The following ELMO1 variants were observed in gnomAD, a reference collection of about 807,000 sequenced individuals.
ELMO1 encodes engulfment and cell motility protein 1.
A neutral mutation model predicts 98.9 loss-of-function variants in ELMO1; 26 were observed. The observed-to-expected ratio is 0.26, with a 90% CI of 0.19 to 0.36. The LOEUF is 0.36. ELMO1 is among the 10% of genes least tolerant of loss of function. The pLI, the probability that ELMO1 is intolerant of heterozygous loss-of-function variation, is 1.00. For synonymous variants in ELMO1, 346 were observed against 346.0 expected (o/e 1.00, Z 0.00); for missense variants, 627 against 935.2 (o/e 0.67, Z 4.30).
intron 14 of ELMO1, among the ~76,000 whole-genome samples, chr7:37,105,918 G>C (rs961993866): frequency 6.6e-6 from 1 of 152,100 alleles, no homozygotes; most frequent in Non-Finnish European, 1.5e-5. Flanking sequence ...GTTATTTCTG[G>C]GATGATGATC....
intron 13 of ELMO1, among the ~76,000 whole-genome samples, chr7:37,143,285 T>C (rs1354902801): frequency 1.3e-5 from 2 of 152,252 alleles, no homozygotes; most frequent in Non-Finnish European, 2.9e-5. Flanking sequence ...ACTCAGAGCA[T>C]GGGCTTTTAA....
At chr7:37,358,965 CA>C (rs958501526) in intron 1 of ELMO1, among the ~76,000 whole-genome samples, 6 of 152,160 alleles carry the variant, frequency 3.9e-5, no homozygotes, top group Admixed American at 2.6e-4. Context: ...AAAATCAAAA[CA>C]ATTGATAATA....
At chr7:37,319,530 C>T (rs1219952087) in intron 2 of ELMO1, among the ~76,000 whole-genome samples, 1 of 152,138 alleles carries the variant, frequency 6.6e-6, no homozygotes, top group East Asian at 1.9e-4. Flanking sequence ...TGACCCAGCA[C>T]CCTTTCCTGA....
chr7:37,282,638 G>GA (rs1416950438), intron 4 of ELMO1, among the ~76,000 whole-genome samples: 1 of 152,136 alleles, frequency 6.6e-6, no homozygotes, highest in African/African-American at 2.4e-5. Context: ...AGAAACAGGG[G>GA]AAAAAAGGCA....
chr7:37,277,510 G>A (rs1315094571), intron 4 of ELMO1, among the ~76,000 whole-genome samples: 1 of 152,226 alleles, frequency 6.6e-6, no homozygotes, highest in East Asian at 1.9e-4. Context: ...ACTCTTGAAA[G>A]GTAGACTGAT....
At chr7:37,381,957 GA>G (rs201447261) in intron 1 of ELMO1, among the ~76,000 whole-genome samples, 2 of 151,690 alleles carry the variant, frequency 1.3e-5, no homozygotes, top group South Asian at 4.2e-4. Context: ...AAAAGAAAAA[GA>G]AAAAAAATTA....
chr7:37,366,277 A>T (rs1283918921), intron 1 of ELMO1, among the ~76,000 whole-genome samples: 2 of 152,174 alleles, frequency 1.3e-5, no homozygotes, highest in Non-Finnish European at 2.9e-5. Context: ...ACATTACATA[A>T]AGTAAAAATA....
At position 36,945,820 on chromosome 7, in the gene ELMO1, A is replaced by C. The variant is rs796511150; in HGVS notation, c.1438-50803T>G. Among the ~76,000 whole-genome samples the C allele has an allele frequency of 5.9e-5, 9 of 152,348 alleles. No homozygotes were observed. In the South Asian group the frequency reaches 1.9e-3, roughly 32 times the overall value. On this transcript the variant is annotated intron_variant, in intron 16 of 21. Coordinates refer to ENST00000310758, the MANE Select transcript of ELMO1 (RefSeq NM_014800.11). ...GTCTAGAGTGACTGTATCTCACTCCATCCAATTTTCTTTTCAACTGGACCA... is the reference window on the plus strand; with the variant it reads ...GTCTAGAGTGACTGTATCTCACTCCCTCCAATTTTCTTTTCAACTGGACCA...
At chr7:37,205,708 C>T (rs1792575915) in intron 13 of ELMO1, among the ~76,000 whole-genome samples, 1 of 152,116 alleles carries the variant, frequency 6.6e-6, no homozygotes, top group African/African-American at 2.4e-5. Context: ...TCTTGTTCGA[C>T]TTCAGCTGGA....
intron 13 of ELMO1, among the ~76,000 whole-genome samples, chr7:37,149,776 T>C (rs573019245): frequency 1.3e-4 from 20 of 152,228 alleles, no homozygotes; most frequent in Non-Finnish European, 1.8e-4. Context: ...TCAGTCCTTG[T>C]ACAAAGTTAA....
rs774153108 is a variant in ELMO1, at chr7:37,222,648, C to T, written c.747G>A (p.Ala249=). 30 of 1,613,958 alleles carry T rather than the reference C, an allele frequency of 1.9e-5. No homozygotes were observed. Among genetic ancestry groups the T allele is most frequent in the Admixed American group, 8.3e-5 (5 of 60,012 alleles). The change falls in exon 10 of 22, where the codon GCG becomes GCA. Residue 249 remains alanine (A), a synonymous_variant. Coordinates refer to ENST00000310758, the MANE Select transcript of ELMO1 (RefSeq NM_014800.11). ...IQTYTIAVIN[A]LFLKAPDERR... ...TCTCATCAGGAGCCTTCAGGAAAAGCGCATTAATCACTGCAATAGTATAGG... is the reference window on the plus strand; with the variant it reads ...TCTCATCAGGAGCCTTCAGGAAAAGTGCATTAATCACTGCAATAGTATAGG...
At chr7:37,374,363 A>G (rs1312816929) in intron 1 of ELMO1, among the ~76,000 whole-genome samples, 1 of 152,184 alleles carries the variant, frequency 6.6e-6, no homozygotes, top group Admixed American at 6.5e-5. Flanking sequence ...GAGAATTAAT[A>G]ATTTTTTTGA....
rs146078209 is a variant in ELMO1 at position 37,136,820 on chromosome 7, A to G, written c.1087-3586T>C. On this transcript the variant is annotated intron_variant, in intron 13 of 21. Coordinates refer to ENST00000310758, the MANE Select transcript of ELMO1 (RefSeq NM_014800.11). ...GAGGACCTTAAAGCATAAATCTCAC[A>G]ATACATACATGTTGTGTATATAACA... Among the ~76,000 whole-genome samples the G allele has an allele frequency of 2.9e-4, 44 of 152,322 alleles. No homozygotes were observed. The East Asian group carries it at 7.7e-3, about 27-fold the overall frequency.
chr7:36,861,237 G>A (rs981138800), intron 21 of ELMO1, among the ~76,000 whole-genome samples: 2 of 152,164 alleles, frequency 1.3e-5, no homozygotes, highest in African/African-American at 4.8e-5. Context: ...AGCAGAGACA[G>A]CCCTAAACCT....
At chr7:37,187,443 A>G (rs1460043228) in intron 13 of ELMO1, among the ~76,000 whole-genome samples, 5 of 152,194 alleles carry the variant, frequency 3.3e-5, no homozygotes, top group African/African-American at 1.2e-4. Flanking sequence ...AGTGAATTAT[A>G]TGGTCTATAA....
At chr7:36,983,869 G>A (rs919163220) in intron 16 of ELMO1, among the ~76,000 whole-genome samples, 4 of 152,118 alleles carry the variant, frequency 2.6e-5, no homozygotes, top group Non-Finnish European at 4.4e-5. Flanking sequence ...GTGCATGAAT[G>A]CGTTTTTAGG....
chr7:36,971,793 C>T (rs966862088), intron 16 of ELMO1, among the ~76,000 whole-genome samples: 1 of 152,116 alleles, frequency 6.6e-6, no homozygotes, highest in Non-Finnish European at 1.5e-5. Context: ...CAACTGGTGT[C>T]GGAGCGGGTC....
chr7:36,925,324 T>C (rs1472035771), intron 16 of ELMO1, among the ~76,000 whole-genome samples: 1 of 152,226 alleles, frequency 6.6e-6, no homozygotes, highest in Non-Finnish European at 1.5e-5. Flanking sequence ...GCTTGAACGC[T>C]TCCAGAGTCT....
chr7:37,004,442 A>C (rs1028806764), intron 16 of ELMO1, among the ~76,000 whole-genome samples: 4 of 152,248 alleles, frequency 2.6e-5, no homozygotes, highest in African/African-American at 9.6e-5. Flanking sequence ...AGGGATGGTC[A>C]GAAATTGAAC....
Sources: allele counts gnomAD v4.1 joint callset (sites outside exome capture counted in the v4.1 genomes callset), GRCh38; gene constraint gnomAD v4.1.1; transcripts MANE v1.5; gene names NCBI Gene and HGNC (gene_info 2026-07-23, HGNC 2026-07-21).